The following STPG2 variants were observed in gnomAD, a reference collection of about 807,000 sequenced individuals.
STPG2 encodes the protein sperm-tail PG-rich repeat-containing protein 2.
STPG2 carries 56 observed loss-of-function variants against 54.2 expected under a neutral mutation model. The observed-to-expected ratio is 1.03, with a 90% CI of 0.83 to 1.29. The LOEUF is 1.29. Ranked by LOEUF, STPG2 falls within the 50% of genes most tolerant of loss-of-function variation. The probability of loss-of-function intolerance (pLI) is 0.00; values close to 1 mark genes in which losing one functional copy is unlikely to be tolerated. For synonymous variants in STPG2, 200 were observed against 181.8 expected (o/e 1.10, Z -0.81); for missense variants, 596 against 544.9 (o/e 1.09, Z -0.93).
intron 10 of STPG2, among the ~76,000 whole-genome samples, chr4:97,587,129 G>T (rs1224549720): frequency 6.6e-6 from 1 of 151,866 alleles, no homozygotes; most frequent in Non-Finnish European, 1.5e-5. Context: ...GTATTTTTCA[G>T]AATGATTAAC....
At chr4:98,002,780 T>C (rs1441223767) in intron 5 of STPG2, among the ~76,000 whole-genome samples, 1 of 152,114 alleles carries the variant, frequency 6.6e-6, no homozygotes, top group Non-Finnish European at 1.5e-5. Flanking sequence ...ATGTCTTTAA[T>C]AACAGCGTTT....
At chr4:97,450,224 T>C (rs1385909906) in intron 4 of STPG2, among the ~76,000 whole-genome samples, 4 of 152,156 alleles carry the variant, frequency 2.6e-5, no homozygotes, top group Non-Finnish European at 4.4e-5. Flanking sequence ...ATCCAAAATA[T>C]TTCATGATTT....
intron 1 of STPG2, among the ~76,000 whole-genome samples, chr4:98,137,104 A>G (rs1023896572): frequency 2.6e-5 from 4 of 151,798 alleles, no homozygotes; most frequent in African/African-American, 9.7e-5. Flanking sequence ...TATGCTGTCT[A>G]TAAGAAACTC....
At chr4:97,679,062 T>C (rs1280166110) in intron 10 of STPG2, among the ~76,000 whole-genome samples, 3 of 152,116 alleles carry the variant, frequency 2.0e-5, no homozygotes, top group Non-Finnish European at 4.4e-5. Flanking sequence ...TCTTTGCTAT[T>C]GTGAATAGTG....
chr4:97,982,599 G>A (rs1177513281), intron 5 of STPG2, among the ~76,000 whole-genome samples: 3 of 151,900 alleles, frequency 2.0e-5, no homozygotes, highest in Non-Finnish European at 2.9e-5. Flanking sequence ...GATCTAATAA[G>A]GCCTCTACTG....
chr4:97,843,221 C>T lies in STPG2; in HGVS notation c.1045-2289G>A, dbSNP rs527778369. On this transcript the variant is annotated intron_variant, in intron 8 of 10. Transcript: ENST00000295268. ...CTTATTGCATGACTTTTTTCTCATA[C>T]CAATATTTAAATCCTGTTCTTGCAT... Among the ~76,000 whole-genome samples, 6 of 150,678 alleles carry T rather than the reference C, an allele frequency of 4.0e-5. No homozygotes were observed. The East Asian group carries it at 9.7e-4, about 24-fold the overall frequency.
intron 2 of STPG2, among the ~76,000 whole-genome samples, chr4:98,131,081 A>T (rs1419795392): frequency 6.6e-6 from 1 of 151,882 alleles, no homozygotes; most frequent in Admixed American, 6.6e-5. Flanking sequence ...CAGTGTCTTT[A>T]TTCATGTGGT....
intron 5 of STPG2, among the ~76,000 whole-genome samples, chr4:98,101,521 A>AG (rs1286384119): frequency 4.6e-5 from 7 of 152,196 alleles, no homozygotes; most frequent in Non-Finnish European, 8.8e-5. Context: ...AGAAAAAAAA[A>AG]GAGCTTGAGC....
chr4:98,022,007 G>T (rs1736222731), intron 5 of STPG2, among the ~76,000 whole-genome samples: 1 of 151,436 alleles, frequency 6.6e-6, no homozygotes, highest in South Asian at 2.1e-4. Flanking sequence ...GGAGCATATA[G>T]CCCATTTACA....
At chr4:97,562,654 G>T (rs1454152229) in intron 10 of STPG2, among the ~76,000 whole-genome samples, 1 of 152,146 alleles carries the variant, frequency 6.6e-6, no homozygotes, top group African/African-American at 2.4e-5. Context: ...AGCATGAAGG[G>T]TTGTTGAATT....
At chr4:97,972,792 T>C (rs1289428494) in intron 6 of STPG2, among the ~76,000 whole-genome samples, 2 of 152,080 alleles carry the variant, frequency 1.3e-5, no homozygotes, top group Non-Finnish European at 2.9e-5. Context: ...TATCACGAGA[T>C]CTGATGGTTT....
intron 5 of STPG2, among the ~76,000 whole-genome samples, chr4:98,056,422 A>G (rs1027060865): frequency 6.6e-6 from 1 of 152,198 alleles, no homozygotes; most frequent in South Asian, 2.1e-4. Flanking sequence ...TGCATCAGCT[A>G]GCACTTTGCT....
intron 3 of STPG2, among the ~76,000 whole-genome samples, chr4:98,123,316 G>A (rs1739738409): frequency 6.6e-6 from 1 of 151,762 alleles, no homozygotes; most frequent in African/African-American, 2.4e-5. Flanking sequence ...GCTTTTTAAT[G>A]TGGGCATTTA....
At chr4:97,639,978 A>G (rs1721709354) in intron 10 of STPG2, among the ~76,000 whole-genome samples, 1 of 152,132 alleles carries the variant, frequency 6.6e-6, no homozygotes, top group Non-Finnish European at 1.5e-5. Context: ...CAACCGTATG[A>G]GATAGGTTCA....
At chr4:97,765,258 G>A (rs1726006662) in intron 9 of STPG2, among the ~76,000 whole-genome samples, 1 of 152,140 alleles carries the variant, frequency 6.6e-6, no homozygotes, top group South Asian at 2.1e-4. Context: ...CACTCTTGGT[G>A]TACTGTTCAA....
intron 9 of STPG2, among the ~76,000 whole-genome samples, chr4:97,744,739 G>T (rs947940721): frequency 6.6e-6 from 1 of 151,330 alleles, no homozygotes; most frequent in Non-Finnish European, 1.5e-5. Context: ...ATAACACTAT[G>T]CTGTATAAAA....
At chr4:97,684,583 C>T (rs569388783) in intron 10 of STPG2, among the ~76,000 whole-genome samples, 2 of 152,000 alleles carry the variant, frequency 1.3e-5, no homozygotes, top group East Asian at 1.9e-4. Context: ...ACATCTTTTA[C>T]AAAAAGTAAC....
intron 5 of STPG2, among the ~76,000 whole-genome samples, chr4:98,051,527 C>T (rs1737320348): frequency 6.6e-6 from 1 of 152,056 alleles, no homozygotes; most frequent in Admixed American, 6.6e-5. Context: ...AGCTGACATG[C>T]TCCCTTGCTC....
chr4:97,448,295 G>T (rs192176789), intron 4 of STPG2, among the ~76,000 whole-genome samples: 1 of 152,250 alleles, frequency 6.6e-6, no homozygotes, highest in African/African-American at 2.4e-5. Context: ...TAAGTGTTTG[G>T]GGGACTGTTG....
Sources: allele counts gnomAD v4.1 joint callset (sites outside exome capture counted in the v4.1 genomes callset), GRCh38; gene constraint gnomAD v4.1.1; transcripts MANE v1.5; gene names NCBI Gene and HGNC (gene_info 2026-07-23, HGNC 2026-07-21).